ZNF280D: variants seen among roughly 807,000 people sequenced by gnomAD.
ZNF280D encodes zinc finger protein 280D.
ZNF280D carries 39 observed loss-of-function variants against 94.7 expected under a neutral mutation model. The observed-to-expected ratio is 0.41, with a 90% CI of 0.32 to 0.54. The LOEUF is 0.54. Ranked by LOEUF, ZNF280D falls within the 20% of genes least tolerant of loss-of-function variation. The pLI, the probability that ZNF280D is intolerant of heterozygous loss-of-function variation, is 0.22. For missense variants in ZNF280D, 1,090 were observed against 1,149.3 expected, an observed-to-expected ratio of 0.95 and a Z score of 0.75; for synonymous variants, 398 against 377.6, an observed-to-expected ratio of 1.05 and a Z score of -0.63.
At chr15:56,648,937 G>A (rs936520280) in intron 19 of ZNF280D, among the ~76,000 whole-genome samples, 4 of 152,106 alleles carry the variant, frequency 2.6e-5, no homozygotes, top group Admixed American at 2.6e-4. Context: ...ATTTTTTCTA[G>A]TATGAAATGA....
chr15:56,711,311 G>A (rs1047428722), intron 1 of ZNF280D, among the ~76,000 whole-genome samples: 2 of 152,166 alleles, frequency 1.3e-5, no homozygotes, highest in Admixed American at 1.3e-4. Flanking sequence ...CTCAGTGCCT[G>A]GCACATGGAA....
intron 19 of ZNF280D, among the ~76,000 whole-genome samples, chr15:56,649,327 A>C (rs2053077752): frequency 6.6e-6 from 1 of 152,218 alleles, no homozygotes; most frequent in South Asian, 2.1e-4. Flanking sequence ...GACTACACTA[A>C]AGTTTCATTT....
chr15:56,732,562 T>C (rs2141556394), intron 1 of ZNF280D: 1 of 152,298 alleles, frequency 6.6e-6, no homozygotes, highest in East Asian at 1.9e-4. Context: ...AGACAAATTC[T>C]GTCCAAACCT....
chr15:56,693,913 C>A (rs1481403425), intron 6 of ZNF280D, among the ~76,000 whole-genome samples: 1 of 152,154 alleles, frequency 6.6e-6, no homozygotes, highest in Non-Finnish European at 1.5e-5. Flanking sequence ...CCACGCTAGG[C>A]CAGGAATCTT....
At chr15:56,710,963 G>C (rs1242266707) in intron 1 of ZNF280D, among the ~76,000 whole-genome samples, 1 of 152,324 alleles carries the variant, frequency 6.6e-6, no homozygotes, top group East Asian at 1.9e-4. Context: ...CATAGTACCA[G>C]CATGGCCACA....
intron 1 of ZNF280D, among the ~76,000 whole-genome samples, chr15:56,732,124 T>C (rs1452894079): frequency 6.6e-6 from 1 of 152,244 alleles, no homozygotes; most frequent in Non-Finnish European, 1.5e-5. Flanking sequence ...ATACTAGAGT[T>C]GAGCACCGGA....
chr15:56,658,909 G>C (rs1453991307), intron 16 of ZNF280D, among the ~76,000 whole-genome samples: 1 of 151,962 alleles, frequency 6.6e-6, no homozygotes, highest in Non-Finnish European at 1.5e-5. Context: ...GTTTGTGTAG[G>C]GGGAGTGGGG....
intron 14 of ZNF280D, 95 bp downstream of exon 14, chr15:56,668,728 G>A: frequency 1.7e-6 from 2 of 1,177,712 alleles, no homozygotes; most frequent in East Asian, 2.8e-5. Flanking sequence ...GCAAAAATCT[G>A]AAGTCATTTA....
At chr15:56,684,444 T>A (rs1596488337) in intron 9 of ZNF280D, among the ~76,000 whole-genome samples, 1 of 152,064 alleles carries the variant, frequency 6.6e-6, no homozygotes, top group Admixed American at 6.6e-5. Context: ...ACTGCCTCTA[T>A]TTGGAAGACC....
intron 19 of ZNF280D, among the ~76,000 whole-genome samples, chr15:56,649,198 T>A (rs1351221547): frequency 1.3e-5 from 2 of 152,136 alleles, no homozygotes; most frequent in Non-Finnish European, 2.9e-5. Context: ...TATTGAATTA[T>A]ACCCTGGATA....
chr15:56,630,568 T>G lies in ZNF280D; in HGVS notation c.*930A>C, dbSNP rs1220906907. The G allele has an allele frequency of 1.3e-5, 2 of 152,158 alleles. No individual in the cohort carries two copies. The highest frequency in any genetic ancestry group is 4.8e-5 in the African/African-American group (2 of 41,446). The allele number at this position is 152,158 out of a possible 1,614,324, so 9.4% of individuals were successfully genotyped here. A position where few individuals can be genotyped will look rare whatever the true frequency, so the allele number is the denominator to read the frequency against. ...ACATGGCTGAATACATGCCAGGACA[T>G]GTTTTCAGTTTACTGCTTTACAATA... On this transcript the variant is annotated 3_prime_UTR_variant, in exon 22 of 22. Coordinates refer to ENST00000267807, the MANE Select transcript of ZNF280D (RefSeq NM_017661.4).
At chr15:56,651,932 A>G (rs1184028085) in intron 19 of ZNF280D, among the ~76,000 whole-genome samples, 2 of 152,088 alleles carry the variant, frequency 1.3e-5, no homozygotes, top group Non-Finnish European at 2.9e-5. Flanking sequence ...GGTAAGGTGA[A>G]TATCTGTAAA....
intron 14 of ZNF280D, chr15:56,668,169 GT>G: frequency 2.2e-6 from 1 of 454,556 alleles, no homozygotes; most frequent in Non-Finnish European, 4.4e-6. Flanking sequence ...AAAAATAAAT[GT>G]TTTGGGGATT....
intron 1 of ZNF280D, 72 bp downstream of exon 1, chr15:56,733,386 G>T (rs1257407753): frequency 7.7e-6 from 7 of 913,172 alleles, no homozygotes; most frequent in Non-Finnish European, 6.6e-6. Flanking sequence ...CCCGGAGTGA[G>T]GCGGCGCAGG....
At position 56,689,141 on chromosome 15, in the gene ZNF280D, G is replaced by T; in HGVS notation, c.680C>A (p.Thr227Asn). The change falls in exon 9 of 22, where the codon ACC becomes AAC. Residue 227 changes from threonine to asparagine, a missense_variant. Around this residue, in one of 3 missense-constraint regions of ZNF280D, gnomAD observed 386 missense variants for 372.0 expected, o/e 1.04. Coordinates refer to ENST00000267807, the MANE Select transcript of ZNF280D (RefSeq NM_017661.4). ...SQAMLAKGTN[T>N]SSNQSKNGTP... Reference sequence around the variant, plus strand: ...TCCATTTTTAGACTGATTTGATGAGGTATTTGTACCTAAAATAAATTCAGA... The same window carrying T: ...TCCATTTTTAGACTGATTTGATGAGTTATTTGTACCTAAAATAAATTCAGA... 6.2e-7 allele frequency: 1 copy of T among 1,604,590 alleles called. No homozygotes were observed. Among genetic ancestry groups the T allele is most frequent in the East Asian group, 2.2e-5 (1 of 44,586 alleles).
At chr15:56,676,933 G>C in intron 12 of ZNF280D, 117 bp from the exon 13 acceptor site, 3 of 727,566 alleles carry the variant, frequency 4.1e-6, no homozygotes, top group African/African-American at 3.6e-5. Context: ...ATCTAGCTCT[G>C]ATGCCTTTGC....
intron 7 of ZNF280D, among the ~76,000 whole-genome samples, chr15:56,692,754 T>C (rs1032026701): frequency 3.2e-4 from 49 of 152,210 alleles, no homozygotes; most frequent in African/African-American, 1.1e-3. Context: ...CTAGTGTCCA[T>C]AGAAACTAAT....
At chr15:56,676,905 G>T (rs2055270052) in intron 12 of ZNF280D, 89 bp from the exon 13 acceptor site, 1 of 1,038,242 alleles carries the variant, frequency 9.6e-7, no homozygotes, top group African/African-American at 1.6e-5. Flanking sequence ...TTTGTCAGGA[G>T]AACATTATGT....
chr15:56,663,358 T>TTA (rs2054083893), intron 16 of ZNF280D, among the ~76,000 whole-genome samples: 1 of 150,582 alleles, frequency 6.6e-6, no homozygotes, highest in African/African-American at 2.4e-5. Context: ...ATTAACCAAC[T>TTA]TACAGGGATG....
Sources: allele counts gnomAD v4.1 joint callset (sites outside exome capture counted in the v4.1 genomes callset), GRCh38; gene constraint gnomAD v4.1.1; regional missense constraint gnomAD v4.1.1; transcripts MANE v1.5; gene names NCBI Gene and HGNC (gene_info 2026-07-23, HGNC 2026-07-21).